The following DCLK1 variants were observed in gnomAD, a reference collection of about 807,000 sequenced individuals.
The protein encoded by DCLK1 is serine/threonine-protein kinase DCLK1.
DCLK1 carries 16 observed loss-of-function variants against 86.2 expected under a neutral mutation model. The observed-to-expected ratio is 0.19, with a 90% CI of 0.13 to 0.28. The LOEUF (loss-of-function observed/expected upper bound fraction) is 0.28, where lower values mean the gene tolerates loss of function less well. Among genes scored for constraint, DCLK1 ranks in the 10% least tolerant of loss-of-function variants. The probability of loss-of-function intolerance (pLI) is 1.00; values close to 1 mark genes in which losing one functional copy is unlikely to be tolerated. For synonymous variants in DCLK1, 369 were observed against 370.5 expected (o/e 1.00, Z 0.05); for missense variants, 590 against 940.2 (o/e 0.63, Z 4.87).
At chr13:36,069,020 G>A (rs989301857) in intron 3 of DCLK1, among the ~76,000 whole-genome samples, 2 of 152,242 alleles carry the variant, frequency 1.3e-5, no homozygotes, top group African/African-American at 2.4e-5. Context: ...ATAGTCTAAC[G>A]CATTTTTCAG....
intron 3 of DCLK1, among the ~76,000 whole-genome samples, chr13:35,997,986 G>C (rs2153145202): frequency 6.6e-6 from 1 of 152,206 alleles, no homozygotes; most frequent in Non-Finnish European, 1.5e-5. Context: ...TGCTGATCCA[G>C]ACCATTGTTG....
chr13:35,799,709 T>G (rs1254005357), intron 15 of DCLK1, among the ~76,000 whole-genome samples: 5 of 152,192 alleles, frequency 3.3e-5, no homozygotes, highest in Admixed American at 6.5e-5. Flanking sequence ...ATTTAAAATA[T>G]CACAATGATG....
In DCLK1 at chr13:35,896,085, G is replaced by A. The variant is rs182246766; in HGVS notation, c.824-24745C>T. On this transcript the variant is annotated intron_variant, in intron 4 of 16. Transcript: ENST00000360631. ...AAACTTCAAGGATGAGATGTTAAAC[G>A]TATATATGCCCCAAAAGGAAAGTAA... Among the ~76,000 whole-genome samples the A allele has an allele frequency of 5.9e-5, 9 of 152,188 alleles. No homozygotes were observed. In the South Asian group the frequency reaches 1.0e-3, roughly 18 times the overall value.
intron 3 of DCLK1, among the ~76,000 whole-genome samples, chr13:36,011,535 C>T (rs1288777942): frequency 1.3e-4 from 18 of 137,632 alleles, no homozygotes; most frequent in Admixed American, 4.5e-4. Context: ...AGTTGAGCGG[C>T]TTTGAGTGAG....
intron 6 of DCLK1, chr13:35,845,975 T>C (rs188745177): frequency 8.1e-6 from 8 of 985,382 alleles, no homozygotes; most frequent in Admixed American, 1.2e-4. Flanking sequence ...AGGAATAACA[T>C]GGTCCAGTGT....
intron 4 of DCLK1, among the ~76,000 whole-genome samples, chr13:35,874,746 G>A (rs961888953): frequency 6.6e-6 from 1 of 152,156 alleles, no homozygotes; most frequent in African/African-American, 2.4e-5. Flanking sequence ...GGACAATAAC[G>A]CCCAAGGTGT....
intron 15 of DCLK1, among the ~76,000 whole-genome samples, chr13:35,802,540 G>T (rs2086942910): frequency 6.6e-6 from 1 of 151,860 alleles, no homozygotes; most frequent in Middle Eastern, 3.4e-3. Flanking sequence ...GAAATTTAAA[G>T]AAAAAATTTA....
chr13:35,958,012 C>CATCATCACCACCACTACCACTACTATA (rs1161580732), intron 3 of DCLK1, among the ~76,000 whole-genome samples: 1 of 135,704 alleles, frequency 7.4e-6, no homozygotes, highest in African/African-American at 2.9e-5. Flanking sequence ...TTATCACCAT[C>CATCATCACCACCACTACCACTACTATA]ACCATCACAC....
chr13:35,817,407 G>A (rs534516059), intron 11 of DCLK1, among the ~76,000 whole-genome samples: 1 of 152,184 alleles, frequency 6.6e-6, no homozygotes, highest in East Asian at 1.9e-4. Context: ...AAAAAGGATC[G>A]TTCAGTTTCT....
chr13:36,052,551 G>A (rs907916510), intron 3 of DCLK1, among the ~76,000 whole-genome samples: 3 of 152,104 alleles, frequency 2.0e-5, no homozygotes, highest in African/African-American at 7.2e-5. Context: ...ACAAACACTA[G>A]GAATAGGTAG....
At chr13:35,932,984 A>T (rs1274838295) in intron 4 of DCLK1, among the ~76,000 whole-genome samples, 1 of 152,218 alleles carries the variant, frequency 6.6e-6, no homozygotes, top group Non-Finnish European at 1.5e-5. Flanking sequence ...AATCAAAAGT[A>T]AGTTAGTTAC....
chr13:36,020,139 C>G (rs1881711550), intron 3 of DCLK1, among the ~76,000 whole-genome samples: 1 of 152,178 alleles, frequency 6.6e-6, no homozygotes, highest in Non-Finnish European at 1.5e-5. Context: ...GAGGCCCTCC[C>G]TAGATGCAGA....
At chr13:36,066,402 C>T (rs1384609251) in intron 3 of DCLK1, among the ~76,000 whole-genome samples, 1 of 152,146 alleles carries the variant, frequency 6.6e-6, no homozygotes, top group Admixed American at 6.5e-5. Context: ...TAAATGACAG[C>T]ATTTTCCCAA....
chr13:36,048,595 C>T (rs1299356723), intron 3 of DCLK1, among the ~76,000 whole-genome samples: 1 of 152,126 alleles, frequency 6.6e-6, no homozygotes, highest in African/African-American at 2.4e-5. Context: ...GAATAATTTC[C>T]AGGTTATTTG....
At chr13:35,959,906 C>T (rs1039454262) in intron 3 of DCLK1, among the ~76,000 whole-genome samples, 6 of 148,114 alleles carry the variant, frequency 4.1e-5, no homozygotes, top group East Asian at 4.0e-4. Context: ...CCTGTGTGTG[C>T]ATGTTTATGT....
Position 35,773,301 on chromosome 13 carries a change from A to G in DCLK1, c.*1234T>C, listed in dbSNP as rs2086366560. 6.6e-6 allele frequency: 1 copy of G among 152,452 alleles called. No homozygotes were observed. 9.4% of individuals were successfully genotyped at this position (152,452 alleles called of 1,614,324 possible). A position where few individuals can be genotyped will look rare whatever the true frequency, so the allele number is the denominator to read the frequency against. On this transcript the variant is annotated 3_prime_UTR_variant, in exon 17 of 17. Transcript: ENST00000360631. Reference sequence around the variant, plus strand: ...CTAAAGACAGTGGTATTTAAAAAAAATCATTTTAGGGGATGGAGGTTTTAT... The same window carrying G: ...CTAAAGACAGTGGTATTTAAAAAAAGTCATTTTAGGGGATGGAGGTTTTAT...
chr13:35,912,497 A>G (rs1470972990), intron 4 of DCLK1, among the ~76,000 whole-genome samples: 2 of 152,136 alleles, frequency 1.3e-5, no homozygotes, highest in African/African-American at 4.8e-5. Flanking sequence ...ATTCGACTTC[A>G]GTGGGACAGC....
intron 4 of DCLK1, among the ~76,000 whole-genome samples, chr13:35,879,746 G>A (rs890636264): frequency 2.0e-5 from 3 of 152,212 alleles, no homozygotes; most frequent in African/African-American, 7.2e-5. Flanking sequence ...AAGCTGATCT[G>A]TTCCTTGTTC....
At position 35,774,718 on chromosome 13, in the gene DCLK1, G is replaced by A. The variant is rs1257788697; in HGVS notation, c.2059-19C>T. 6.2e-7 allele frequency: 1 copy of A among 1,607,402 alleles called. No homozygotes were observed. Among genetic ancestry groups the A allele is most frequent in the East Asian group, 2.2e-5 (1 of 44,682 alleles). The stretch of plus-strand genomic sequence containing the variant: ...CGGTGGTCTAGCAGGGGCATAAAAT[G>A]AGAAAGAGGACAATTAGGGCGAGGG... On this transcript the variant is annotated intron_variant, in intron 16 of 16. Transcript: ENST00000360631.
Sources: gnomAD v4.1 joint callset for allele counts (sites outside exome capture counted in the v4.1 genomes callset) on GRCh38, gnomAD v4.1.1 for gene constraint, MANE v1.5 for transcripts, NCBI Gene and HGNC (gene_info 2026-07-23, HGNC 2026-07-21) for gene names.